Variants in SIDT1 observed in about 807,000 individuals in gnomAD.
SIDT1 encodes the protein SID1 transmembrane family member 1.
Under a neutral mutation model 107.5 loss-of-function variants are expected in SIDT1, and 101 were observed. That is an observed-to-expected ratio of 0.94 (90% CI 0.80 to 1.11). The LOEUF is 1.11. SIDT1 is among the 50% of genes least tolerant of loss of function. The pLI, the probability that SIDT1 is intolerant of heterozygous loss-of-function variation, is 0.00. For synonymous variants in SIDT1, 395 were observed against 398.2 expected (o/e 0.99, Z 0.10); for missense variants, 1,076 against 1,058.2 (o/e 1.02, Z -0.23).
At chr3:113,582,994 C>T (rs904003690) in intron 6 of SIDT1, among the ~76,000 whole-genome samples, 5 of 152,084 alleles carry the variant, frequency 3.3e-5, no homozygotes, top group African/African-American at 9.7e-5. Flanking sequence ...AGTCCTTTGC[C>T]TCCCTAACCT....
In SIDT1 at chr3:113,549,522, T is replaced by A. The variant is rs552861964; in HGVS notation, c.222+16279T>A. Among the ~76,000 whole-genome samples the A allele has an allele frequency of 1.1e-4, 17 of 152,302 alleles. No homozygotes were observed. The East Asian group carries it at 3.1e-3, about 28-fold the overall frequency. The stretch of plus-strand genomic sequence containing the variant: ...TAATTGCAAAACCCAATGTTGTTGA[T>A]CATATTTTCATATGCTTGTTTACCA... On this transcript the variant is annotated intron_variant, in intron 1 of 24. Transcript: ENST00000264852.
chr3:113,579,345 C>A (rs1402794505), intron 4 of SIDT1, among the ~76,000 whole-genome samples: 1 of 152,188 alleles, frequency 6.6e-6, no homozygotes, highest in East Asian at 1.9e-4. Context: ...TATATGGGAA[C>A]ATATATGAGG....
intron 1 of SIDT1, among the ~76,000 whole-genome samples, chr3:113,559,910 A>G (rs531552333): frequency 1.3e-5 from 2 of 152,260 alleles, no homozygotes; most frequent in African/African-American, 4.8e-5. Context: ...TATGGTGTTT[A>G]TATAGCTTCT....
chr3:113,552,295 G>T (rs943814707), intron 1 of SIDT1, among the ~76,000 whole-genome samples: 2 of 152,112 alleles, frequency 1.3e-5, no homozygotes, highest in Non-Finnish European at 2.9e-5. Flanking sequence ...GTTAACAAAG[G>T]GATAAGCATT....
chr3:113,541,052 G>GTATA (rs965211752), intron 1 of SIDT1, among the ~76,000 whole-genome samples: 4 of 151,860 alleles, frequency 2.6e-5, no homozygotes, highest in Admixed American at 1.3e-4. Context: ...CATTGTTAGA[G>GTATA]TATATAGCCA....
At chr3:113,562,411 G>T (rs1413170520) in intron 1 of SIDT1, among the ~76,000 whole-genome samples, 1 of 152,132 alleles carries the variant, frequency 6.6e-6, no homozygotes, top group Non-Finnish European at 1.5e-5. Context: ...ACAAAAATTT[G>T]TATACAAATG....
intron 1 of SIDT1, among the ~76,000 whole-genome samples, chr3:113,545,114 T>TTAA (rs1939436156): frequency 1.4e-5 from 1 of 73,968 alleles, no homozygotes; most frequent in Non-Finnish European, 2.4e-5. Context: ...GAGACTCTGT[T>TTAA]AAAAAAAAAA....
intron 1 of SIDT1, among the ~76,000 whole-genome samples, chr3:113,547,413 G>A (rs1939715476): frequency 6.6e-6 from 1 of 152,030 alleles, no homozygotes. Context: ...ATTAAATGTT[G>A]TTAATAATAA....
At chr3:113,566,653 A>T in intron 2 of SIDT1, 112 bp downstream of exon 2, 11 of 1,224,894 alleles carry the variant, frequency 9.0e-6, no homozygotes, top group African/African-American at 1.5e-5. Context: ...TGGAATGTCA[A>T]GACATTCTGC....
intron 1 of SIDT1, 129 bp downstream of exon 1, chr3:113,533,372 T>TC (rs1448972142): frequency 1.5e-6 from 1 of 686,462 alleles, no homozygotes; most frequent in Non-Finnish European, 2.2e-6. Context: ...TTTCCCTTTC[T>TC]CCTCCGAAGC....
At chr3:113,567,795 C>A in intron 3 of SIDT1, 85 bp downstream of exon 3, 1 of 1,347,468 alleles carries the variant, frequency 7.4e-7, no homozygotes, top group East Asian at 2.3e-5. Context: ...CAGACTGGTA[C>A]TCTGGAAGGA....
Position 113,533,251 on chromosome 3 carries a change from A to C in SIDT1, c.222+8A>C. Reference sequence around the variant, plus strand: ...ACCAGCCAGCCCGACCAGGTAAGACACTCGCTCCCCTCGCTCGACTCCTAG... The same window carrying C: ...ACCAGCCAGCCCGACCAGGTAAGACCCTCGCTCCCCTCGCTCGACTCCTAG... On this transcript the variant is annotated splice_region_variant and intron_variant, in intron 1 of 24. Coordinates refer to ENST00000264852, the MANE Select transcript of SIDT1 (RefSeq NM_017699.3). 6.9e-7 allele frequency: 1 copy of C among 1,449,532 alleles called. No individual in the cohort carries two copies. Among genetic ancestry groups the C allele is most frequent in the South Asian group, 1.5e-5 (1 of 68,092 alleles). The allele number at this position is 1,449,532 out of a possible 1,614,324, so 89.8% of individuals were successfully genotyped here.
At chr3:113,625,457 T>C (rs950862671) in intron 23 of SIDT1, among the ~76,000 whole-genome samples, 1 of 152,126 alleles carries the variant, frequency 6.6e-6, no homozygotes, top group Non-Finnish European at 1.5e-5. Context: ...ATTTTTAGTT[T>C]TTTGAGGAAC....
chr3:113,567,722 T>G lies in SIDT1; in HGVS notation c.515+12T>G. ...CACTTCCAGCTCCGGTAAGCGGGAC[T>G]TTCTCTGTTTACCTGTCTGTGTTTC... On this transcript the variant is annotated intron_variant, in intron 3 of 24. Transcript: ENST00000264852. 6.2e-7 allele frequency: 1 copy of G among 1,612,482 alleles called. No homozygotes were observed. Among genetic ancestry groups the G allele is most frequent in the South Asian group, 1.1e-5 (1 of 90,878 alleles).
intron 3 of SIDT1, among the ~76,000 whole-genome samples, chr3:113,569,130 C>A (rs1451159321): frequency 8.0e-6 from 1 of 124,274 alleles, no homozygotes; most frequent in Admixed American, 8.6e-5. Context: ...AGGAGTGAGA[C>A]TCCCTCTCAA....
rs764975828 is a variant in SIDT1, at chr3:113,567,604, G to A, written c.409G>A (p.Glu137Lys). Residue 137 changes from glutamate (E) to lysine (K), a missense_variant, in exon 3 of 25, where the codon GAG becomes AAG. Coordinates refer to ENST00000264852, the MANE Select transcript of SIDT1 (RefSeq NM_017699.3). ...CTTATGTCCCTCAGAAGCAACCAAT[G>A]AGACGGGACCCTTGCAGCAACTGAT... ...RTLCPSEATN[E>K]TGPLQQLIFV... 1 of 1,614,138 alleles carries A rather than the reference G, an allele frequency of 6.2e-7. No homozygotes were observed. Among genetic ancestry groups the A allele is most frequent in the Non-Finnish European group, 8.5e-7 (1 of 1,180,006 alleles).
chr3:113,539,643 ATCT>A (rs1405886091), intron 1 of SIDT1, among the ~76,000 whole-genome samples: 6 of 152,170 alleles, frequency 3.9e-5, no homozygotes, highest in Admixed American at 3.9e-4. Flanking sequence ...TCACATCCAC[ATCT>A]TCTTTCATTC....
At chr3:113,618,292 C>G (rs921217530) in intron 20 of SIDT1, among the ~76,000 whole-genome samples, 1 of 152,268 alleles carries the variant, frequency 6.6e-6, no homozygotes, top group East Asian at 1.9e-4. Context: ...TTCCATTGCC[C>G]GGATGTGGGA....
At position 113,532,989 on chromosome 3, in the gene SIDT1, G is replaced by T; in HGVS notation, c.-33G>T. On this transcript the variant is annotated 5_prime_UTR_variant, in exon 1 of 25. Coordinates refer to ENST00000264852, the MANE Select transcript of SIDT1 (RefSeq NM_017699.3). ...CTGCGCTCGCCCCCTCCCCAGGGTG[G>T]CTCCGCTTTCGAGCCCGGGCGCGGT... is the stretch of plus-strand genomic sequence containing the variant. 1 of 1,322,362 alleles carries T rather than the reference G, an allele frequency of 7.6e-7. No homozygotes were observed. The highest frequency in any genetic ancestry group is 2.1e-5 in the South Asian group (1 of 48,272). 81.9% of individuals were successfully genotyped at this position (1,322,362 alleles called of 1,614,324 possible).
Sources: allele counts gnomAD v4.1 joint callset (sites outside exome capture counted in the v4.1 genomes callset), GRCh38; gene constraint gnomAD v4.1.1; transcripts MANE v1.5; gene names NCBI Gene and HGNC (gene_info 2026-07-23, HGNC 2026-07-21).